Variants in AFF2 observed in about 807,000 individuals in gnomAD.
The protein encoded by AFF2 is ALF transcription elongation factor 2, also known as AF4/FMR2 family member 2.
In AFF2, 14 loss-of-function variants were observed where a neutral mutation model predicts 76.9. The ratio of observed to expected loss-of-function variants is 0.18; its 90% CI spans 0.12 to 0.28. AFF2 has a LOEUF of 0.28. Ranked by LOEUF, AFF2 falls within the 10% of genes least tolerant of loss-of-function variation. AFF2 has a pLI of 1.00. For missense variants in AFF2, 868 were observed against 1,001.1 expected (o/e 0.87, Z 1.79); for synonymous variants, 398 against 366.7 (o/e 1.09, Z -0.98).
chrX:148,980,310 C>A (rs2072376389), intron 18 of AFF2, among the ~76,000 whole-genome samples: 1 of 111,972 alleles, frequency 8.9e-6, no homozygotes, highest in Admixed American at 9.5e-5. Context: ...CTGCTTGGCT[C>A]TGACACATTC....
At chrX:148,512,802 A>G (rs1324340934) in intron 1 of AFF2, among the ~76,000 whole-genome samples, 1 of 112,519 alleles carries the variant, frequency 8.9e-6, no homozygotes, top group Non-Finnish European at 1.9e-5. Flanking sequence ...TCTGCTTCTC[A>G]TAATCAGATT....
intron 7 of AFF2, among the ~76,000 whole-genome samples, chrX:148,848,461 G>C (rs1380279218): frequency 8.9e-6 from 1 of 111,881 alleles, no homozygotes; most frequent in African/African-American, 3.2e-5. Context: ...CTTCATCACT[G>C]GAAATGTTTC....
intron 1 of AFF2, among the ~76,000 whole-genome samples, chrX:148,603,171 G>A (rs781835044): frequency 4.0e-4 from 44 of 111,207 alleles, no homozygotes; most frequent in Admixed American, 5.7e-4. Flanking sequence ...ATTCTTTTAG[G>A]ATAATTTGAA....
intron 3 of AFF2, among the ~76,000 whole-genome samples, chrX:148,733,394 T>G (rs1451602662): frequency 9.0e-6 from 1 of 110,900 alleles, no homozygotes; most frequent in African/African-American, 3.3e-5. Context: ...TTTCCTTCTT[T>G]TGTGCATTCA....
chrX:148,771,954 G>C (rs2069593146), intron 3 of AFF2, among the ~76,000 whole-genome samples: 1 of 111,645 alleles, frequency 9.0e-6, no homozygotes, highest in Non-Finnish European at 1.9e-5. Context: ...GAAATGTAAA[G>C]ACAGATGGAA....
chrX:148,776,430 G>A (rs193201539), intron 3 of AFF2, among the ~76,000 whole-genome samples: 2 of 111,906 alleles, frequency 1.8e-5, no homozygotes, highest in Non-Finnish European at 3.8e-5. Context: ...TTGAGGAATC[G>A]CCACACTGTC....
At chrX:148,715,902 G>T (rs926424942) in intron 3 of AFF2, among the ~76,000 whole-genome samples, 2 of 111,519 alleles carry the variant, frequency 1.8e-5, no homozygotes, top group Non-Finnish European at 3.8e-5. Context: ...CTACAGATAA[G>T]CCTCAAGTGC....
intron 3 of AFF2, among the ~76,000 whole-genome samples, chrX:148,796,361 A>G (rs1557270452): frequency 9.0e-6 from 1 of 111,311 alleles, no homozygotes; most frequent in Middle Eastern, 4.2e-3. Context: ...ATCCTTAGGT[A>G]AAGAAAAGCT....
chrX:148,685,902 CTCTT>C (rs1211936765), intron 3 of AFF2, among the ~76,000 whole-genome samples: 4 of 110,134 alleles, frequency 3.6e-5, no homozygotes, highest in African/African-American at 1.3e-4. Context: ...CTGTCTCAAT[CTCTT>C]TCTTTCTTTC....
chrX:148,750,924 G>C (rs782163313), intron 3 of AFF2, among the ~76,000 whole-genome samples: 2 of 111,695 alleles, frequency 1.8e-5, no homozygotes, highest in Admixed American at 1.9e-4. Flanking sequence ...GTCTCCGTGA[G>C]AGACCATGAG....
rs190595124 is a variant in AFF2 at position 148,644,974 on chromosome X, C to T, written c.48-7025C>T. Among the ~76,000 whole-genome samples, 29 of 111,644 alleles carry T rather than the reference C, an allele frequency of 2.6e-4. No homozygotes were observed. The East Asian group carries it at 7.9e-3, about 30-fold the overall frequency. On this transcript the variant is annotated intron_variant, in intron 1 of 20. Coordinates refer to ENST00000370460, the MANE Select transcript of AFF2 (RefSeq NM_002025.4). ...TAGAAGAAATATTTAGAAACATTTC[C>T]AATTTAAAGTTATTATTTTAAATTT... is the stretch of plus-strand genomic sequence containing the variant.
intron 9 of AFF2, among the ~76,000 whole-genome samples, chrX:148,949,161 T>C (rs1330989052): frequency 1.8e-5 from 2 of 111,122 alleles, no homozygotes; most frequent in Non-Finnish European, 3.8e-5. Flanking sequence ...AGTCGGTTTC[T>C]TCAATGTGGC....
chrX:148,568,367 T>G (rs2053192106), intron 1 of AFF2, among the ~76,000 whole-genome samples: 1 of 112,195 alleles, frequency 8.9e-6, no homozygotes, highest in Admixed American at 9.5e-5. Context: ...AAATTTGAAT[T>G]AAATGTATCT....
chrX:148,875,548 T>C (rs1379509332), intron 7 of AFF2, among the ~76,000 whole-genome samples: 2 of 112,046 alleles, frequency 1.8e-5, no homozygotes, highest in Non-Finnish European at 3.8e-5. Flanking sequence ...TAATACATAT[T>C]TTTAAAAACA....
intron 1 of AFF2, among the ~76,000 whole-genome samples, chrX:148,617,144 G>A (rs1331550662): frequency 4.5e-4 from 50 of 111,568 alleles, no homozygotes; most frequent in Non-Finnish European, 8.5e-4. Flanking sequence ...TTGAGGAATC[G>A]CCACACTGAC....
chrX:148,614,713 C>CT (rs1474365917), intron 1 of AFF2, among the ~76,000 whole-genome samples: 7 of 37,508 alleles, frequency 1.9e-4, no homozygotes, highest in East Asian at 1.3e-3. Flanking sequence ...TTCTTTCTTT[C>CT]TTTCTTTCTT....
intron 8 of AFF2, among the ~76,000 whole-genome samples, chrX:148,888,735 A>G (rs1237174596): frequency 8.9e-6 from 1 of 111,912 alleles, no homozygotes; most frequent in East Asian, 2.8e-4. Context: ...TATGCCAGGC[A>G]CAAGCTAGGT....
At chrX:148,627,742 G>A (rs782226385) in intron 1 of AFF2, among the ~76,000 whole-genome samples, 26 of 111,476 alleles carry the variant, frequency 2.3e-4, no homozygotes, top group Middle Eastern at 4.6e-3. Context: ...GTGTGACTGG[G>A]GGTTTGGTGA....
At chrX:148,956,932 CT>C (rs1347646661) in intron 11 of AFF2, among the ~76,000 whole-genome samples, 1 of 112,723 alleles carries the variant, frequency 8.9e-6, no homozygotes, top group Non-Finnish European at 1.9e-5. Flanking sequence ...TCTTCTAGGG[CT>C]TTTTAATTTC....
Sources: allele counts gnomAD v4.1 joint callset (sites outside exome capture counted in the v4.1 genomes callset), GRCh38; gene constraint gnomAD v4.1.1; transcripts MANE v1.5; gene names NCBI Gene and HGNC (gene_info 2026-07-23, HGNC 2026-07-21).